The following ITGA7 variants were observed in gnomAD, a reference collection of about 807,000 sequenced individuals.
ITGA7 encodes the protein integrin subunit alpha 7, also known as integrin alpha-7.
Under a neutral mutation model 131.6 loss-of-function variants are expected in ITGA7, and 84 were observed. The ratio of observed to expected loss-of-function variants is 0.64; its 90% CI spans 0.54 to 0.77. ITGA7 has a LOEUF of 0.77. Ranked by LOEUF, ITGA7 falls within the 30% of genes least tolerant of loss-of-function variation. ITGA7 has a pLI of 0.00. For synonymous variants in ITGA7, 548 were observed against 600.7 expected (o/e 0.91, Z 1.28); for missense variants, 1,399 against 1,482.9 (o/e 0.94, Z 0.93).
At position 55,697,281 on chromosome 12, in the gene ITGA7, C is replaced by A. The variant is rs755782601; in HGVS notation, c.1506-4G>T. 2 of 1,591,680 alleles carry A rather than the reference C, an allele frequency of 1.3e-6. No individual in the cohort carries two copies. The highest frequency in any genetic ancestry group is 1.7e-6 in the Non-Finnish European group (2 of 1,169,082). Reference sequence around the variant, plus strand: ...GAAACAGACCCTTAGGTCCACACTGCGGGGGCAAAGGTGGCTCCTGAGCCA... The same window carrying A: ...GAAACAGACCCTTAGGTCCACACTGAGGGGGCAAAGGTGGCTCCTGAGCCA... On this transcript the variant is annotated splice_region_variant and splice_polypyrimidine_tract_variant and intron_variant, in intron 10 of 24. Transcript: ENST00000257879.
chr12:55,697,104 G>T, intron 11 of ITGA7, 36 bp from the exon 12 acceptor site: 1 of 1,605,444 alleles, frequency 6.2e-7, no homozygotes. Context: ...CTGCTGAGCT[G>T]CAGAGCTGCT....
chr12:55,716,177 T>A, upstream of ITGA7: 3 of 1,611,640 alleles, frequency 1.9e-6, no homozygotes, highest in Non-Finnish European at 2.5e-6. Flanking sequence ...CCAAGCAGAA[T>A]GAACGCAAGG....
Position 55,707,610 on chromosome 12 carries a change from C to T in ITGA7, c.73G>A (p.Glu25Lys). ...GCGACAGCCCGTGAGAAGAGCAGTT[C>T]GACGAGCAGGGAGCCAAAAAGGTAG... ...ICYLFGSLLV[E>K]LLFSRAVAFN... Residue 25 changes from glutamate (E) to lysine (K), a missense_variant, in exon 1 of 25, where the codon GAA becomes AAA. Glu to Lys is a moderately conservative substitution (Grantham distance 56, BLOSUM62 1). Coordinates refer to ENST00000257879, the MANE Select transcript of ITGA7 (RefSeq NM_002206.3). The T allele has an allele frequency of 1.2e-6, 2 of 1,612,616 alleles. No individual in the cohort carries two copies. Among genetic ancestry groups the T allele is most frequent in the Non-Finnish European group, 1.7e-6 (2 of 1,179,322 alleles).
intron 5 of ITGA7, among the ~76,000 whole-genome samples, chr12:55,699,133 G>A (rs1264908194): frequency 6.6e-6 from 1 of 152,044 alleles, no homozygotes; most frequent in Admixed American, 6.5e-5. Context: ...CACAGGGCCT[G>A]GCAGCCTCCC....
Position 55,698,030 on chromosome 12 carries a change from C to T in ITGA7, c.1193-4G>A. 6.2e-7 allele frequency: 1 copy of T among 1,613,692 alleles called. No individual in the cohort carries two copies. The highest frequency in any genetic ancestry group is 1.7e-5 in the Admixed American group (1 of 60,004). On this transcript the variant is annotated splice_region_variant and splice_polypyrimidine_tract_variant and intron_variant, in intron 7 of 24. Transcript: ENST00000257879. ...AAGGGGGCACCCACTGCAATATCTG[C>T]AGGGCACAGGGAAAAGGCAGTCACG...
At chr12:55,700,751 A>T in intron 4 of ITGA7, 148 bp downstream of exon 4, 1 of 1,017,244 alleles carries the variant, frequency 9.8e-7, no homozygotes, top group Non-Finnish European at 1.5e-6. Flanking sequence ...TGTGTGCACT[A>T]GCTCAATGGG....
At position 55,698,486 on chromosome 12, in the gene ITGA7, A is replaced by AC. The variant is rs587780362; in HGVS notation, c.1088dup (p.His364SerfsTer15). On this transcript the variant is annotated frameshift_variant, in exon 7 of 25. Coordinates refer to ENST00000257879, the MANE Select transcript of ITGA7 (RefSeq NM_002206.3). LOFTEE classifies it high-confidence loss of function. ...GGAGAGGGGAGATCCCAGCCCAGTG[A>AC]CCCCCCTGGTTCAAGTACACATACA... 1.8e-5 allele frequency: 29 copies of AC among 1,613,202 alleles called. No homozygotes were observed. Among genetic ancestry groups the AC allele is most frequent in the South Asian group, 5.5e-5 (5 of 91,030 alleles).
chr12:55,694,518 GT>G lies in ITGA7; in HGVS notation c.2281del (p.Thr761ProfsTer20). ...GGAGGTGCTAAGGATGAGGTAGAAG[GT>G]GACCTAGGCCAAGGGTGGAAAGAGA... ...GNPMKRGAQV[T>X]FYLILSTSGI... On this transcript the variant is annotated frameshift_variant, in exon 17 of 25. Coordinates refer to ENST00000257879, the MANE Select transcript of ITGA7 (RefSeq NM_002206.3). LOFTEE classifies it high-confidence loss of function. The surrounding 1 kb of genome is among the most constrained non-coding windows in gnomAD (Gnocchi z 5.3). 1 of 1,614,216 alleles carries G rather than the reference GT, an allele frequency of 6.2e-7. No homozygotes were observed. The highest frequency in any genetic ancestry group is 8.5e-7 in the Non-Finnish European group (1 of 1,180,030).
rs1487912364 is a variant in ITGA7, at chr12:55,694,348, G to A, written c.2358-18C>T. 5 of 1,613,604 alleles carry A rather than the reference G, an allele frequency of 3.1e-6. No homozygotes were observed. The highest frequency in any genetic ancestry group is 4.2e-6 in the Non-Finnish European group (5 of 1,179,944). ...CACTGATCCTGGTGAGTGGGCAGGGGCAAGTATGGGCATCAGGCACAGGCA... is the reference window on the plus strand; with the variant it reads ...CACTGATCCTGGTGAGTGGGCAGGGACAAGTATGGGCATCAGGCACAGGCA... On this transcript the variant is annotated intron_variant, in intron 17 of 24. Coordinates refer to ENST00000257879, the MANE Select transcript of ITGA7 (RefSeq NM_002206.3). This position sits in a 1 kb window ranked among gnomAD's most constrained non-coding sequence, Gnocchi z 5.3.
Position 55,698,018 on chromosome 12 carries a change from C to T in ITGA7, c.1201G>A (p.Val401Met). 1.2e-6 allele frequency: 2 copies of T among 1,614,154 alleles called. No individual in the cohort carries two copies. The highest frequency in any genetic ancestry group is 2.2e-5 in the South Asian group (2 of 91,086). ...LNQDGFPDIA[V>M]GAPFDGDGKV... is the part of the protein sequence containing the mutation. ...CCATCACCATCAAAGGGGGCACCCA[C>T]TGCAATATCTGCAGGGCACAGGGAA... The change falls in exon 8 of 25, where the codon GTG becomes ATG. Residue 401 changes from valine (V) to methionine (M), a missense_variant. Coordinates refer to ENST00000257879, the MANE Select transcript of ITGA7 (RefSeq NM_002206.3).
chr12:55,697,135 G>A, intron 11 of ITGA7, 67 bp from the exon 12 acceptor site: 1 of 1,587,650 alleles, frequency 6.3e-7, no homozygotes, highest in Non-Finnish European at 8.6e-7. Flanking sequence ...CCATTCCAAG[G>A]GTGCTCTTCT....
Position 55,701,157 on chromosome 12 carries a change from G to A in ITGA7, c.415-3C>T, listed in dbSNP as rs768682336. On this transcript the variant is annotated splice_region_variant and splice_polypyrimidine_tract_variant and intron_variant, in intron 3 of 24. Coordinates refer to ENST00000257879, the MANE Select transcript of ITGA7 (RefSeq NM_002206.3). ...GCCTCATATCGGTGTGCACAGGTCT[G>A]GGGGAGGAAGGGATGGGGATCATTT... 6.2e-6 allele frequency: 10 copies of A among 1,614,158 alleles called. No homozygotes were observed. Among genetic ancestry groups the A allele is most frequent in the Middle Eastern group, 1.6e-4 (1 of 6,062 alleles).
In ITGA7 at chr12:55,698,059, G is replaced by A. The variant is rs1426362502; in HGVS notation, c.1193-33C>T. 2.5e-6 allele frequency: 4 copies of A among 1,596,816 alleles called. No individual in the cohort carries two copies. In the South Asian group the frequency reaches 4.4e-5, roughly 18 times the overall value. ...GCACAGGGAAAAGGCAGTCACGCTG[G>A]CTGGGGGCCTTGCAGACAAGATCCA... On this transcript the variant is annotated intron_variant, in intron 7 of 24. Transcript: ENST00000257879.
intron 1 of ITGA7, among the ~76,000 whole-genome samples, chr12:55,704,169 C>A (rs1874683561): frequency 6.6e-6 from 1 of 152,218 alleles, no homozygotes; most frequent in African/African-American, 2.4e-5. Context: ...GGCAGTGGGA[C>A]AAACCTCAAC....
At position 55,703,060 on chromosome 12, in the gene ITGA7, C is replaced by G. The variant is rs1313089520; in HGVS notation, c.325G>C (p.Asp109His). 6.2e-7 allele frequency: 1 copy of G among 1,614,082 alleles called. No individual in the cohort carries two copies. The highest frequency in any genetic ancestry group is 8.5e-7 in the Non-Finnish European group (1 of 1,180,040). Residue 109 changes from aspartate (D) to histidine (H), a missense_variant, in exon 2 of 25, where the codon GAC becomes CAC. Asp to His is a moderately conservative substitution (Grantham distance 81). Transcript: ENST00000257879. ...TCATGCAGGGCCACACCTCCCTGGT[C>G]GATGTCCACTCTGTAGCAGTCAGTC... is the stretch of plus-strand genomic sequence containing the variant. ...EETDCYRVDI[D>H]QGADMQKESK...
At chr12:55,695,491 C>T in intron 14 of ITGA7, 31 bp downstream of exon 14, 2 of 1,191,368 alleles carry the variant, frequency 1.7e-6, no homozygotes, top group South Asian at 1.2e-5. Flanking sequence ...TCTTGCCCTC[C>T]CACCCCCACC....
upstream of ITGA7, among the ~76,000 whole-genome samples, chr12:55,711,152 ACTTCATG>A (rs1187199739): frequency 6.6e-6 from 1 of 152,196 alleles, no homozygotes; most frequent in South Asian, 2.1e-4. Flanking sequence ...GGTACACAAG[ACTTCATG>A]TGCTATTTTT....
Position 55,703,154 on chromosome 12 carries a change from G to A in ITGA7, c.231C>T (p.Ala77=). The A allele has an allele frequency of 6.2e-7, 1 of 1,611,642 alleles. No homozygotes were observed. ...TCGCCTGCTGCCCAGGAAGAGCCAGGGCCTGGGGAGCACCCACCAGCAGCC... is the reference window on the plus strand; with the variant it reads ...TCGCCTGCTGCCCAGGAAGAGCCAGAGCCTGGGGAGCACCCACCAGCAGCC... ...QSWLLVGAPQ[A]LALPGQQANR... The change falls in exon 2 of 25, where the codon GCC becomes GCT. Residue 77 remains alanine (A), a synonymous_variant. Transcript: ENST00000257879.
chr12:55,693,251 C>T lies in ITGA7; in HGVS notation c.2602G>A (p.Glu868Lys). 2 of 1,614,116 alleles carry T rather than the reference C, an allele frequency of 1.2e-6. No individual in the cohort carries two copies. The highest frequency in any genetic ancestry group is 1.7e-6 in the Non-Finnish European group (2 of 1,180,018). Residue 868 changes from glutamate (E) to lysine (K), a missense_variant, in exon 20 of 25, where the codon GAG becomes AAG. By Grantham distance (56) the Glu-to-Lys change is moderately conservative (BLOSUM62 1). Coordinates refer to ENST00000257879, the MANE Select transcript of ITGA7 (RefSeq NM_002206.3). ...SAFLNIMWPH[E>K]IANGKWLLYP... ...AGCAACCACTTCCCATTGGCAATCT[C>T]ATGAGGCCACATGATGTTGAGGAAG...
Sources: allele counts gnomAD v4.1 joint callset (sites outside exome capture counted in the v4.1 genomes callset), GRCh38; gene constraint gnomAD v4.1.1; non-coding constraint Gnocchi (gnomAD v3.1); transcripts MANE v1.5; gene names NCBI Gene and HGNC (gene_info 2026-07-23, HGNC 2026-07-21).